Variants in TTLL5 observed in about 807,000 individuals in gnomAD.
TTLL5 encodes the protein tubulin tyrosine ligase like 5, also known as tubulin polyglutamylase TTLL5.
Under a neutral mutation model 168.4 loss-of-function variants are expected in TTLL5, and 132 were observed. The ratio of observed to expected loss-of-function variants is 0.78; its 90% CI spans 0.68 to 0.91. TTLL5 has a LOEUF of 0.91. Ranked by LOEUF, TTLL5 falls within the 40% of genes least tolerant of loss-of-function variation. The probability of loss-of-function intolerance (pLI) is 0.00; values close to 1 mark genes in which losing one functional copy is unlikely to be tolerated. For missense variants in TTLL5, 1,545 were observed against 1,581.5 expected, an observed-to-expected ratio of 0.98 and a Z score of 0.39; for synonymous variants, 546 against 558.6, an observed-to-expected ratio of 0.98 and a Z score of 0.32.
rs554535926 is a variant in TTLL5, at chr14:75,704,532, C to T, written c.586-2486C>T. Among the ~76,000 whole-genome samples, 13 of 152,300 alleles carry T rather than the reference C, an allele frequency of 8.5e-5. No individual in the cohort carries two copies. The East Asian group carries it at 2.1e-3, about 25-fold the overall frequency. ...CCAGCCTGGGCGAAGAAATGAGATGCTGTCTTAGAAAAGAAAGATGTGTTT... is the reference window on the plus strand; with the variant it reads ...CCAGCCTGGGCGAAGAAATGAGATGTTGTCTTAGAAAAGAAAGATGTGTTT... On this transcript the variant is annotated intron_variant, in intron 7 of 31. Coordinates refer to ENST00000298832, the MANE Select transcript of TTLL5 (RefSeq NM_015072.5).
intron 27 of TTLL5, among the ~76,000 whole-genome samples, chr14:75,814,306 A>G (rs1894249723): frequency 6.6e-6 from 1 of 152,154 alleles, no homozygotes; most frequent in Non-Finnish European, 1.5e-5. Flanking sequence ...TTATTTAGCA[A>G]TGAAATGTTG....
In TTLL5 at chr14:75,763,253, C is replaced by CTGTGTGTGTGTGTGTGTGTG. The variant is rs202149877; in HGVS notation, c.1551-1361_1551-1360insGTGTGTGTGTGTGTGTGTGT. Reference sequence around the variant, plus strand: ...TAAAAGTTTATTTCTATAGCTCTCTCTCTGTGTGTGTGTGTGTGTGTGTGT... The same window carrying CTGTGTGTGTGTGTGTGTGTG: ...TAAAAGTTTATTTCTATAGCTCTCTCTGTGTGTGTGTGTGTGTGTGTCTGTGTGTGTGTGTGTGTGTGTGT... On this transcript the variant is annotated intron_variant, in intron 18 of 31. Transcript: ENST00000298832. 1.8e-3 allele frequency among the ~76,000 whole-genome samples: 262 copies of CTGTGTGTGTGTGTGTGTGTG among 145,472 alleles called. 1 individual carries two copies. Among genetic ancestry groups the CTGTGTGTGTGTGTGTGTGTG allele is most frequent in the African/African-American group, 6.4e-3 (253 of 39,324 alleles).
At chr14:75,820,283 C>A in intron 28 of TTLL5, 122 bp downstream of exon 28, 1 of 1,036,394 alleles carries the variant, frequency 9.6e-7, no homozygotes, top group Non-Finnish European at 1.3e-6. Context: ...CTTTCTCCAC[C>A]TGCCTCGATC....
intron 28 of TTLL5, among the ~76,000 whole-genome samples, chr14:75,854,402 C>T (rs73315496): frequency 0.015 from 2,262 of 152,216 alleles, 53 homozygotes; most frequent in African/African-American, 0.052. Context: ...ATGAATACAC[C>T]ACAATTTATT....
At chr14:75,724,444 C>T (rs751048491) in intron 12 of TTLL5, among the ~76,000 whole-genome samples, 1 of 152,150 alleles carries the variant, frequency 6.6e-6, no homozygotes, top group Non-Finnish European at 1.5e-5. Context: ...ACCTCCATTG[C>T]ACTATTAGTG....
intron 7 of TTLL5, among the ~76,000 whole-genome samples, chr14:75,706,060 C>T (rs1449275894): frequency 2.6e-5 from 4 of 152,220 alleles, no homozygotes; most frequent in Non-Finnish European, 4.4e-5. Context: ...GTCTGTGAAT[C>T]GGCCCACCCT....
At chr14:75,926,864 G>A (rs891134072) in intron 31 of TTLL5, among the ~76,000 whole-genome samples, 2 of 152,110 alleles carry the variant, frequency 1.3e-5, no homozygotes, top group Admixed American at 6.5e-5. Context: ...TGTATACGAG[G>A]GTTCATAGCA....
chr14:75,864,596 T>A (rs149192625), intron 29 of TTLL5, among the ~76,000 whole-genome samples: 2 of 152,138 alleles, frequency 1.3e-5, no homozygotes, highest in Non-Finnish European at 2.9e-5. Context: ...ATGGCCCCAA[T>A]TGTAGAGAAA....
chr14:75,937,233 C>T lies in TTLL5; in HGVS notation c.3824-17191C>T, dbSNP rs539841432. 2.0e-5 allele frequency among the ~76,000 whole-genome samples: 3 copies of T among 152,002 alleles called. No individual in the cohort carries two copies. The East Asian group carries it at 5.8e-4, about 29-fold the overall frequency. ...CCTGGTTCAAGCGATTCTCCTGCCT[C>T]AGCCTCCCTAGTAGCTGGGTTTACA... On this transcript the variant is annotated intron_variant, in intron 31 of 31. Coordinates refer to ENST00000298832, the MANE Select transcript of TTLL5 (RefSeq NM_015072.5).
intron 27 of TTLL5, among the ~76,000 whole-genome samples, chr14:75,801,193 G>C (rs774762144): frequency 2.2e-4 from 33 of 152,142 alleles, no homozygotes; most frequent in Non-Finnish European, 2.9e-5. Flanking sequence ...CTTGGACAGG[G>C]CTTGCTGCTT....
intron 23 of TTLL5, among the ~76,000 whole-genome samples, chr14:75,777,987 A>AT (rs1411383266): frequency 6.6e-6 from 1 of 151,282 alleles, no homozygotes; most frequent in Non-Finnish European, 1.5e-5. Context: ...AAAAAAAAAA[A>AT]CAAAAAACAG....
intron 30 of TTLL5, chr14:75,887,207 A>G (rs1158554263): frequency 6.0e-6 from 6 of 994,108 alleles, no homozygotes; most frequent in South Asian, 4.6e-5. Flanking sequence ...ATCCCAATTA[A>G]TGTTACCTGA....
chr14:75,924,778 C>G (rs1185309371), intron 31 of TTLL5, among the ~76,000 whole-genome samples: 1 of 152,034 alleles, frequency 6.6e-6, no homozygotes, highest in East Asian at 1.9e-4. Context: ...CATCCCGGCC[C>G]GCTCTCAATG....
intron 27 of TTLL5, among the ~76,000 whole-genome samples, chr14:75,802,750 A>G (rs1893394526): frequency 6.6e-6 from 1 of 152,232 alleles, no homozygotes; most frequent in Non-Finnish European, 1.5e-5. Context: ...TGGTAATAGT[A>G]ACATGGAATA....
intron 31 of TTLL5, chr14:75,902,627 C>A: frequency 4.4e-6 from 2 of 458,630 alleles, no homozygotes; most frequent in Non-Finnish European, 4.4e-6. Flanking sequence ...AAGTTGAGGG[C>A]TTGTTGAAGT....
rs549472624 is a variant in TTLL5 at position 75,683,297 on chromosome 14, AG to A, written c.265-252del. Among the ~76,000 whole-genome samples the A allele has an allele frequency of 1.4e-3, 217 of 152,364 alleles. 1 individual carries two copies. Among genetic ancestry groups the A allele is most frequent in the African/African-American group, 5.1e-3 (212 of 41,594 alleles). The stretch of plus-strand genomic sequence containing the variant: ...GAGAAAGAAATGCAAGAATATTAAG[AG>A]ACATCATGGGTTTCTATAGAAGGGT... On this transcript the variant is annotated intron_variant, in intron 4 of 31. Transcript: ENST00000298832.
intron 2 of TTLL5, among the ~76,000 whole-genome samples, chr14:75,663,493 A>C (rs1346410657): frequency 6.6e-6 from 1 of 152,190 alleles, no homozygotes; most frequent in Non-Finnish European, 1.5e-5. Context: ...TGTAAAATGC[A>C]AGTAGTAGCT....
intron 30 of TTLL5, among the ~76,000 whole-genome samples, chr14:75,893,150 G>T (rs936048007): frequency 1.3e-5 from 2 of 152,242 alleles, no homozygotes; most frequent in Non-Finnish European, 2.9e-5. Flanking sequence ...GGAGTATCTC[G>T]TGGAACATGA....
At chr14:75,786,738 T>C (rs1892385963) in intron 26 of TTLL5, among the ~76,000 whole-genome samples, 1 of 152,126 alleles carries the variant, frequency 6.6e-6, no homozygotes, top group Non-Finnish European at 1.5e-5. Flanking sequence ...GTATAAATTC[T>C]AATGGGGAGA....
Sources: allele counts gnomAD v4.1 joint callset (sites outside exome capture counted in the v4.1 genomes callset), GRCh38; gene constraint gnomAD v4.1.1; transcripts MANE v1.5; gene names NCBI Gene and HGNC (gene_info 2026-07-23, HGNC 2026-07-21).